The following SAMD12 variants were observed in gnomAD, a reference collection of about 807,000 sequenced individuals.
SAMD12 encodes sterile alpha motif domain containing 12.
Under a neutral mutation model 15.0 loss-of-function variants are expected in SAMD12, and 9 were observed. That is an observed-to-expected ratio of 0.60 (90% CI 0.36 to 1.05). SAMD12 has a LOEUF of 1.05. Ranked by LOEUF, SAMD12 falls within the 50% of genes least tolerant of loss-of-function variation. The pLI is 0.01. For missense variants in SAMD12, 230 were observed against 234.2 expected (o/e 0.98, Z 0.12); for synonymous variants, 86 against 90.1 (o/e 0.96, Z 0.25).
intron 4 of SAMD12, among the ~76,000 whole-genome samples, chr8:118,370,511 A>G (rs1819035637): frequency 6.6e-6 from 1 of 152,188 alleles, no homozygotes; most frequent in Admixed American, 6.5e-5. Flanking sequence ...ACTACTCACA[A>G]CAGCAAAGAG....
chr8:118,392,303 C>T (rs1448249927), intron 3 of SAMD12, among the ~76,000 whole-genome samples: 6 of 152,212 alleles, frequency 3.9e-5, no homozygotes, highest in South Asian at 4.2e-4. Context: ...TGGTGGTGCA[C>T]GCCTGTAGTC....
At chr8:118,401,952 G>A (rs950075827) in intron 3 of SAMD12, among the ~76,000 whole-genome samples, 1 of 152,096 alleles carries the variant, frequency 6.6e-6, no homozygotes, top group Admixed American at 6.6e-5. Context: ...GCTTACTTGA[G>A]GGTGATTTAC....
chr8:118,441,441 C>T (rs28415419), intron 2 of SAMD12, among the ~76,000 whole-genome samples: 21,615 of 134,108 alleles, frequency 0.16, 1,777 homozygotes, highest in African/African-American at 0.25. Flanking sequence ...GGTTGGAAAG[C>T]ACAATGCTCA....
intron 2 of SAMD12, among the ~76,000 whole-genome samples, chr8:118,551,166 C>A (rs1053582705): frequency 1.3e-5 from 2 of 152,148 alleles, no homozygotes; most frequent in African/African-American, 4.8e-5. Context: ...CAGCTCTGCA[C>A]CAAGCAGACC....
At chr8:118,202,256 C>T (rs528948482) in intron 4 of SAMD12, among the ~76,000 whole-genome samples, 6 of 152,266 alleles carry the variant, frequency 3.9e-5, no homozygotes, top group South Asian at 2.1e-4. Context: ...AAAGCTCTAA[C>T]GCTAAGTATC....
intron 3 of SAMD12, among the ~76,000 whole-genome samples, chr8:118,418,718 C>CAA (rs545742157): frequency 0.022 from 2,868 of 131,990 alleles, 95 homozygotes; most frequent in East Asian, 0.098. Flanking sequence ...GACTCCGTCT[C>CAA]AAAAAAAAAA....
At chr8:118,383,487 AG>A (rs1449851836) in intron 3 of SAMD12, among the ~76,000 whole-genome samples, 4 of 151,798 alleles carry the variant, frequency 2.6e-5, no homozygotes, top group Admixed American at 2.0e-4. Flanking sequence ...ATGAATGAAA[AG>A]GGGGGCTGCC....
intron 3 of SAMD12, among the ~76,000 whole-genome samples, chr8:118,402,086 C>T (rs1156981111): frequency 6.6e-6 from 1 of 152,008 alleles, no homozygotes; most frequent in East Asian, 1.9e-4. Context: ...AAACAATCCA[C>T]TGCATTTAAT....
chr8:118,587,575 G>A (rs1407660776), intron 1 of SAMD12, among the ~76,000 whole-genome samples: 1 of 152,140 alleles, frequency 6.6e-6, no homozygotes, highest in Non-Finnish European at 1.5e-5. Context: ...AACAGTTCTG[G>A]AACTGACAAA....
chr8:118,520,163 T>C (rs766012255), intron 2 of SAMD12, among the ~76,000 whole-genome samples: 33 of 152,226 alleles, frequency 2.2e-4, no homozygotes, highest in Admixed American at 5.2e-4. Flanking sequence ...TATTAGAATA[T>C]AATGATTTAA....
intron 1 of SAMD12, among the ~76,000 whole-genome samples, chr8:118,590,672 A>C (rs1467843476): frequency 6.6e-6 from 1 of 152,230 alleles, no homozygotes; most frequent in East Asian, 1.9e-4. Context: ...AGCTAGCTGA[A>C]ATAAAAGGTT....
chr8:118,514,405 T>G (rs998551962), intron 2 of SAMD12, among the ~76,000 whole-genome samples: 1 of 152,238 alleles, frequency 6.6e-6, no homozygotes, highest in African/African-American at 2.4e-5. Flanking sequence ...GCCTTTCATA[T>G]TCCCACTTCC....
chr8:118,296,605 C>T (rs1241426158), intron 4 of SAMD12, among the ~76,000 whole-genome samples: 1 of 152,198 alleles, frequency 6.6e-6, no homozygotes, highest in African/African-American at 2.4e-5. Flanking sequence ...ATAGTAGGTA[C>T]CCAGTCAACA....
intron 3 of SAMD12, among the ~76,000 whole-genome samples, chr8:118,398,826 T>C (rs1820722769): frequency 6.6e-6 from 1 of 152,216 alleles, no homozygotes. Flanking sequence ...CCATACACTT[T>C]AAATATGTGC....
At chr8:118,330,559 C>T (rs7000702) in intron 4 of SAMD12, among the ~76,000 whole-genome samples, 36,673 of 152,016 alleles carry the variant, frequency 0.24, 5,571 homozygotes, top group African/African-American at 0.43. Flanking sequence ...TTGGAAGAGA[C>T]TGATCACAAG....
chr8:118,186,308 G>T (rs1003956536), downstream of SAMD12, among the ~76,000 whole-genome samples: 4 of 152,204 alleles, frequency 2.6e-5, no homozygotes, highest in African/African-American at 9.7e-5. Context: ...TTAAGAAGAA[G>T]TTATTAGTTG....
intron 2 of SAMD12, among the ~76,000 whole-genome samples, chr8:118,462,831 G>A (rs922561060): frequency 2.6e-5 from 4 of 152,084 alleles, no homozygotes; most frequent in Admixed American, 6.5e-5. Context: ...GGCCGGGCGC[G>A]GTGGCTCACG....
intron 1 of SAMD12, among the ~76,000 whole-genome samples, chr8:118,609,313 A>G (rs554456829): frequency 1.3e-5 from 2 of 152,182 alleles, no homozygotes; most frequent in African/African-American, 4.8e-5. Flanking sequence ...TCTGTACCAC[A>G]CTGTTTACTG....
chr8:118,378,504 C>G lies in SAMD12; in HGVS notation c.*913G>C, dbSNP rs1819499651. On this transcript the variant is annotated 3_prime_UTR_variant, in exon 4 of 4. Coordinates refer to ENST00000314727, the MANE Select transcript of SAMD12 (RefSeq NM_207506.3). ...TCACTTGAAATCTATATTTATCCTT[C>G]TAGAATAGTCATCTTTCAGGGAGCA... 1.0e-6 allele frequency: 1 copy of G among 984,286 alleles called. No homozygotes were observed. Among genetic ancestry groups the G allele is most frequent in the Admixed American group, 6.2e-5 (1 of 16,252 alleles). The allele number at this position is 984,286 out of a possible 1,614,324, so 61.0% of individuals were successfully genotyped here.
Sources: allele counts gnomAD v4.1 joint callset (sites outside exome capture counted in the v4.1 genomes callset), GRCh38; gene constraint gnomAD v4.1.1; transcripts MANE v1.5; gene names NCBI Gene and HGNC (gene_info 2026-07-23, HGNC 2026-07-21).